Variants in SHANK2 observed in about 807,000 individuals in gnomAD.
The protein encoded by SHANK2 is SH3 and multiple ankyrin repeat domains protein 2.
SHANK2 carries 43 observed loss-of-function variants against 133.7 expected under a neutral mutation model. That is an observed-to-expected ratio of 0.32 (90% CI 0.25 to 0.41). The LOEUF (loss-of-function observed/expected upper bound fraction) is 0.41. SHANK2 is among the 10% of genes least tolerant of loss of function. The pLI is 1.00. For missense variants in SHANK2, 1,994 were observed against 2,235.8 expected (o/e 0.89, Z 2.18); for synonymous variants, 1,017 against 952.8 (o/e 1.07, Z -1.24).
intron 17 of SHANK2, among the ~76,000 whole-genome samples, chr11:70,641,680 A>AG (rs1324704363): frequency 6.6e-6 from 1 of 152,342 alleles, no homozygotes; most frequent in African/African-American, 2.4e-5. Flanking sequence ...AGGAGCCTGA[A>AG]GCTGCTTGGA....
intron 11 of SHANK2, 87 bp from the exon 12 acceptor site, chr11:70,820,769 G>A (rs555272895): frequency 3.2e-5 from 19 of 590,056 alleles, no homozygotes; most frequent in East Asian, 1.7e-4. Flanking sequence ...GCAGGCCTGC[G>A]TGCGTCCAAG....
At chr11:70,599,909 A>AAGAAAAAGAAAGAAAG (rs1565166328) in intron 17 of SHANK2, among the ~76,000 whole-genome samples, 23 of 37,546 alleles carry the variant, frequency 6.1e-4, no homozygotes, top group African/African-American at 1.2e-3. Flanking sequence ...AAGAAAGAGA[A>AAGAAAAAGAAAGAAAG]AGAAAGAAAG....
chr11:70,533,059 C>T (rs781808100), intron 17 of SHANK2, among the ~76,000 whole-genome samples: 13 of 152,170 alleles, frequency 8.5e-5, no homozygotes, highest in Non-Finnish European at 1.5e-4. Context: ...TTCACAGCGG[C>T]GGAAAGCAGA....
intron 11 of SHANK2, chr11:70,863,497 T>C: frequency 2.2e-6 from 1 of 457,856 alleles, no homozygotes. Context: ...GGGTTTTCCT[T>C]ATCTCTAGGA....
intron 14 of SHANK2, among the ~76,000 whole-genome samples, chr11:70,781,241 G>A (rs1458271815): frequency 6.6e-6 from 1 of 151,886 alleles, no homozygotes; most frequent in African/African-American, 2.4e-5. Context: ...TGAACACACA[G>A]TTCACGATTG....
chr11:70,698,695 T>G lies in SHANK2; in HGVS notation c.1846A>C (p.Thr616Pro). 1 of 718,626 alleles carries G rather than the reference T, an allele frequency of 1.4e-6. No individual in the cohort carries two copies. 44.5% of individuals were successfully genotyped at this position (718,626 alleles called of 1,614,324 possible). The change falls in exon 15 of 26, where the codon ACT (threonine) becomes CCT (proline). Residue 616 changes from threonine (T) to proline (P), a missense_variant. Around this residue, in one of 5 missense-constraint regions of SHANK2, gnomAD observed 653 missense variants for 563.4 expected, o/e 1.16. Coordinates refer to ENST00000601538, the MANE Select transcript of SHANK2 (RefSeq NM_012309.5). ...GAAAGCAGCGCGTCTTACCTGGAAG[T>G]GTCGAAGCTGTCATAGGAGCCCACG... Reference protein sequence around the residue: ...YTVGSYDSFDTSSDCIIEEKT... With the variant: ...YTVGSYDSFDPSSDCIIEEKT...
intron 16 of SHANK2, among the ~76,000 whole-genome samples, chr11:70,660,347 A>G (rs1442057102): frequency 1.3e-5 from 2 of 152,194 alleles, no homozygotes; most frequent in Non-Finnish European, 2.9e-5. Flanking sequence ...CACTTGCCAA[A>G]TTTACATCTA....
At chr11:70,737,060 G>A (rs1372880719) in intron 14 of SHANK2, among the ~76,000 whole-genome samples, 1 of 152,224 alleles carries the variant, frequency 6.6e-6, no homozygotes, top group East Asian at 1.9e-4. Context: ...GGCCAAAGTG[G>A]GGATAAAATC....
At chr11:71,204,144 G>A (rs1201011561) in intron 2 of SHANK2, among the ~76,000 whole-genome samples, 4 of 152,182 alleles carry the variant, frequency 2.6e-5, no homozygotes, top group Non-Finnish European at 4.4e-5. Flanking sequence ...CCTGTTCCGA[G>A]GAAAACTGCA....
At chr11:70,746,749 TTC>T (rs1946646245) in intron 14 of SHANK2, among the ~76,000 whole-genome samples, 1 of 152,080 alleles carries the variant, frequency 6.6e-6, no homozygotes, top group South Asian at 2.1e-4. Flanking sequence ...TGGGTGACTC[TTC>T]TGTGTCCCCA....
chr11:71,085,592 T>A (rs1307616161), intron 8 of SHANK2, among the ~76,000 whole-genome samples: 50 of 27,478 alleles, frequency 1.8e-3, no homozygotes, highest in African/African-American at 4.6e-3. Context: ...ATATATTATA[T>A]AATATATATA....
At chr11:70,954,114 C>G (rs111517740) in intron 10 of SHANK2, among the ~76,000 whole-genome samples, 210 of 152,348 alleles carry the variant, frequency 1.4e-3, no homozygotes, top group African/African-American at 4.8e-3. Context: ...GAGGAAGGTC[C>G]TGGGAGAAAA....
rs1945260465 is a variant in SHANK2, at chr11:70,690,495, T to TG, written c.1853+8192_1853+8193insC. ...TAATGTAATACTTCCCATGTTTTTT[T>TG]TTTTTTTTTTTTTTTTTTTTTTTTT... On this transcript the variant is annotated intron_variant, in intron 15 of 25. Coordinates refer to ENST00000601538, the MANE Select transcript of SHANK2 (RefSeq NM_012309.5). Among the ~76,000 whole-genome samples, 4 of 103,286 alleles carry TG rather than the reference T, an allele frequency of 3.9e-5. No individual in the cohort carries two copies. The East Asian group carries it at 1.0e-3, about 26-fold the overall frequency. 67.8% of individuals were successfully genotyped at this position (103,286 alleles called of 152,430 possible).
intron 4 of SHANK2, among the ~76,000 whole-genome samples, chr11:71,116,991 C>T (rs371824395): frequency 3.3e-5 from 5 of 152,124 alleles, no homozygotes; most frequent in African/African-American, 1.2e-4. Flanking sequence ...GCCAATTAAA[C>T]CTCCTTTCTC....
At chr11:71,064,649 T>G (rs1418873003) in intron 9 of SHANK2, among the ~76,000 whole-genome samples, 18 of 134,538 alleles carry the variant, frequency 1.3e-4, no homozygotes, top group South Asian at 4.7e-4. Context: ...CAGGCAAGGG[T>G]GAGAAGGGTG....
chr11:70,938,049 T>C (rs1950594850), intron 10 of SHANK2, among the ~76,000 whole-genome samples: 1 of 152,232 alleles, frequency 6.6e-6, no homozygotes, highest in African/African-American at 2.4e-5. Context: ...TTCTCCAGCT[T>C]CTGCCTCCCT....
chr11:70,590,514 T>C (rs932873229), intron 17 of SHANK2, among the ~76,000 whole-genome samples: 2 of 152,182 alleles, frequency 1.3e-5, no homozygotes, highest in African/African-American at 4.8e-5. Context: ...AACTTCATTG[T>C]TGTCTTATTT....
At chr11:70,742,297 G>A (rs1453226954) in intron 14 of SHANK2, among the ~76,000 whole-genome samples, 3 of 152,110 alleles carry the variant, frequency 2.0e-5, no homozygotes, top group African/African-American at 7.2e-5. Flanking sequence ...TGCGCACTCT[G>A]GGAAGTCACA....
chr11:70,610,187 A>T (rs1233258888), intron 17 of SHANK2, among the ~76,000 whole-genome samples: 2 of 151,948 alleles, frequency 1.3e-5, no homozygotes, highest in Non-Finnish European at 2.9e-5. Flanking sequence ...AAAATGGCAC[A>T]TTTTACATTA....
Sources: allele counts gnomAD v4.1 joint callset (sites outside exome capture counted in the v4.1 genomes callset), GRCh38; gene constraint gnomAD v4.1.1; regional missense constraint gnomAD v4.1.1; transcripts MANE v1.5; gene names NCBI Gene and HGNC (gene_info 2026-07-23, HGNC 2026-07-21).